The following SPEF2 variants were observed in gnomAD, a reference collection of about 807,000 sequenced individuals.
SPEF2 encodes sperm flagellar and cilia associated 2.
A neutral mutation model predicts 224.6 loss-of-function variants in SPEF2; 187 were observed. That is an observed-to-expected ratio of 0.83 (90% CI 0.74 to 0.94). The LOEUF is 0.94. SPEF2 is among the 40% of genes least tolerant of loss of function. The probability of loss-of-function intolerance (pLI) is 0.00; values close to 1 mark genes in which losing one functional copy is unlikely to be tolerated. For synonymous variants in SPEF2, 715 were observed against 707.3 expected (o/e 1.01, Z -0.17); for missense variants, 2,170 against 2,135.6 (o/e 1.02, Z -0.32).
intron 19 of SPEF2, chr5:35,709,495 A>G (rs1740673535): frequency 2.0e-6 from 2 of 994,794 alleles, no homozygotes; most frequent in Non-Finnish European, 2.4e-6. Context: ...TCTTAATAAA[A>G]TAAGAATGAG....
At chr5:35,770,972 G>C (rs1752756037) in intron 26 of SPEF2, among the ~76,000 whole-genome samples, 1 of 152,090 alleles carries the variant, frequency 6.6e-6, no homozygotes, top group Non-Finnish European at 1.5e-5. Context: ...GTGATATTTA[G>C]TGCTCAAGTA....
At chr5:35,694,224 T>G in intron 12 of SPEF2, 64 bp from the exon 13 acceptor site, 1 of 1,240,038 alleles carries the variant, frequency 8.1e-7, no homozygotes, top group Non-Finnish European at 1.2e-6. Context: ...AGATATAAAA[T>G]TAGGAGGATT....
rs777837374 is a variant in SPEF2, at chr5:35,727,873, A to T, written c.3063+50A>T. On this transcript the variant is annotated intron_variant, in intron 21 of 36. Coordinates refer to ENST00000356031, the MANE Select transcript of SPEF2 (RefSeq NM_024867.4). Reference sequence around the variant, plus strand: ...GCAGAATTCATTCTTTCTCCTGCATATAGTAAGATTCACACTGTCATTTGC... The same window carrying T: ...GCAGAATTCATTCTTTCTCCTGCATTTAGTAAGATTCACACTGTCATTTGC... 5 of 1,582,004 alleles carry T rather than the reference A, an allele frequency of 3.2e-6. 1 individual carries two copies. The African/African-American group carries it at 6.8e-5, about 21-fold the overall frequency.
intron 20 of SPEF2, among the ~76,000 whole-genome samples, chr5:35,721,599 T>G (rs1293744305): frequency 6.6e-6 from 1 of 152,250 alleles, no homozygotes; most frequent in Non-Finnish European, 1.5e-5. Context: ...CTGTTTTTAC[T>G]TCTTAAAGAT....
Position 35,705,749 on chromosome 5 carries a change from C to A in SPEF2, c.2606C>A (p.Ser869Tyr), listed in dbSNP as rs368700853. The A allele has an allele frequency of 6.4e-7, 1 of 1,555,916 alleles. No homozygotes were observed. Among genetic ancestry groups the A allele is most frequent in the Non-Finnish European group, 8.7e-7 (1 of 1,145,148 alleles). The change falls in exon 18 of 37, where the codon TCT becomes TAT. Residue 869 changes from serine to tyrosine, a missense_variant. Coordinates refer to ENST00000356031, the MANE Select transcript of SPEF2 (RefSeq NM_024867.4). ...ATCAATGCTGAAATAGATAAGGAAT[C>A]TTTATGTGAAAAAGTAAAAGAAATT... ...IKINAEIDKE[S>Y]LCEKVKEILT... is the part of the protein sequence containing the mutation.
intron 21 of SPEF2, among the ~76,000 whole-genome samples, chr5:35,728,494 C>CA (rs1257467780): frequency 6.6e-6 from 1 of 152,186 alleles, no homozygotes; most frequent in Non-Finnish European, 1.5e-5. Flanking sequence ...CCTTCTCCCT[C>CA]ATTCCAGTCC....
intron 34 of SPEF2, among the ~76,000 whole-genome samples, chr5:35,802,127 A>G (rs1044805308): frequency 6.6e-6 from 1 of 152,186 alleles, no homozygotes; most frequent in African/African-American, 2.4e-5. Flanking sequence ...GCCAGCCAGA[A>G]GAGGTGTGGA....
At chr5:35,764,230 A>T (rs1227463943) in intron 26 of SPEF2, among the ~76,000 whole-genome samples, 3 of 152,100 alleles carry the variant, frequency 2.0e-5, no homozygotes, top group South Asian at 4.1e-4. Context: ...TAAGGGCTCT[A>T]TTTGGCAACC....
intron 23 of SPEF2, among the ~76,000 whole-genome samples, chr5:35,745,908 A>G (rs567310043): frequency 2.0e-5 from 3 of 152,358 alleles, no homozygotes; most frequent in African/African-American, 7.2e-5. Context: ...AAGAACTGTC[A>G]TGGAGTCCAT....
rs73086226 is a variant in SPEF2 at position 35,734,175 on chromosome 5, T to C, written c.3064-5744T>C. Among the ~76,000 whole-genome samples, 305 of 152,248 alleles carry C rather than the reference T, an allele frequency of 2.0e-3. 2 individuals carry two copies. Among genetic ancestry groups the C allele is most frequent in the African/African-American group, 7.2e-3 (298 of 41,566 alleles). On this transcript the variant is annotated intron_variant, in intron 21 of 36. Transcript: ENST00000356031. The stretch of plus-strand genomic sequence containing the variant: ...GGGAGGAAGGGATAGAATCTGGGAA[T>C]GGTTCAGAAACTGGGTCTTACCCAC...
chr5:35,750,033 AC>A (rs1298813034), intron 23 of SPEF2, among the ~76,000 whole-genome samples: 3 of 152,110 alleles, frequency 2.0e-5, no homozygotes, highest in Admixed American at 6.5e-5. Flanking sequence ...AGAATAGAGA[AC>A]CCAGAAATAA....
At chr5:35,787,189 A>G (rs1755272509) in intron 30 of SPEF2, among the ~76,000 whole-genome samples, 1 of 152,146 alleles carries the variant, frequency 6.6e-6, no homozygotes, top group Non-Finnish European at 1.5e-5. Flanking sequence ...GTTTGGGGGA[A>G]AGAAAAAGAT....
At position 35,641,633 on chromosome 5, in the gene SPEF2, C is replaced by T. The variant is rs758346764; in HGVS notation, c.364C>T (p.Arg122Cys). Residue 122 changes from arginine to cysteine, a missense_variant, in exon 3 of 37, where the codon CGT (arginine) becomes TGT (cysteine). Physicochemically the swap from Arg to Cys is radical, Grantham distance 180. Coordinates refer to ENST00000356031, the MANE Select transcript of SPEF2 (RefSeq NM_024867.4). ...TGGAGTGGAGATGCAAACCATGCAA[C>T]GTCTGACAAATTTAAGACTTCAAAA... ...LTGVEMQTMQ[R>C]LTNLRLQNMK... 28 of 1,613,246 alleles carry T rather than the reference C, an allele frequency of 1.7e-5. No individual in the cohort carries two copies. In the East Asian group the frequency reaches 3.6e-4, roughly 21 times the overall value.
chr5:35,807,524 C>T (rs1186023324), intron 36 of SPEF2: 1 of 1,044,964 alleles, frequency 9.6e-7, no homozygotes, highest in East Asian at 2.6e-5. Context: ...ATGTAATGAC[C>T]CTAGCCTGTG....
intron 26 of SPEF2, chr5:35,764,686 GAT>G (rs1412849593): frequency 2.2e-6 from 1 of 456,078 alleles, no homozygotes; most frequent in Non-Finnish European, 4.4e-6. Flanking sequence ...TTGCAGCACA[GAT>G]CTCACAGCAA....
intron 2 of SPEF2, among the ~76,000 whole-genome samples, chr5:35,635,123 CT>C (rs200908451): frequency 2.0e-5 from 3 of 151,008 alleles, no homozygotes; most frequent in Non-Finnish European, 1.5e-5. Flanking sequence ...TTTCTTCATG[CT>C]TTTTTTTTCC....
At chr5:35,720,897 G>A (rs927547598) in intron 20 of SPEF2, among the ~76,000 whole-genome samples, 7 of 152,022 alleles carry the variant, frequency 4.6e-5, no homozygotes, top group African/African-American at 1.7e-4. Flanking sequence ...TTTGATTTTG[G>A]GAAGCCTTTT....
At chr5:35,752,496 C>T (rs1749816474) in intron 23 of SPEF2, among the ~76,000 whole-genome samples, 1 of 151,778 alleles carries the variant, frequency 6.6e-6, no homozygotes, top group Admixed American at 6.6e-5. Context: ...GGGGTTTTGC[C>T]ATGTTGACCA....
intron 23 of SPEF2, among the ~76,000 whole-genome samples, chr5:35,745,633 A>T (rs1748397943): frequency 6.6e-6 from 1 of 152,104 alleles, no homozygotes; most frequent in Admixed American, 6.5e-5. Flanking sequence ...TGACCTGGGA[A>T]TCTCACCCCC....
Sources: gnomAD v4.1 joint callset for allele counts (sites outside exome capture counted in the v4.1 genomes callset) on GRCh38, gnomAD v4.1.1 for gene constraint, MANE v1.5 for transcripts, NCBI Gene and HGNC (gene_info 2026-07-23, HGNC 2026-07-21) for gene names.